Variants in CCNY observed in about 807,000 individuals in gnomAD.
The protein encoded by CCNY is cyclin-Y.
Under a neutral mutation model 42.8 loss-of-function variants are expected in CCNY, and 19 were observed. That is an observed-to-expected ratio of 0.44 (90% CI 0.31 to 0.65). The LOEUF (loss-of-function observed/expected upper bound fraction) is 0.65. CCNY is among the 30% of genes least tolerant of loss of function. The pLI is 0.07. For synonymous variants in CCNY, 165 were observed against 162.7 expected (o/e 1.01, Z -0.11); for missense variants, 370 against 437.3 (o/e 0.85, Z 1.37).
intron 1 of CCNY, chr10:35,449,855 C>CA (rs1159521533): frequency 1.1e-6 from 1 of 951,532 alleles, no homozygotes; most frequent in African/African-American, 1.8e-5. Flanking sequence ...GGGGGAGAGA[C>CA]AAAAAGGGCC....
chr10:35,359,509 A>AT (rs1442842915), intron 1 of CCNY, among the ~76,000 whole-genome samples: 26 of 151,450 alleles, frequency 1.7e-4, no homozygotes, highest in African/African-American at 6.3e-4. Flanking sequence ...TATTATTATT[A>AT]TTATTTTTTT....
intron 3 of CCNY, among the ~76,000 whole-genome samples, chr10:35,313,977 G>GAAA (rs71523375): frequency 6.3e-5 from 5 of 79,764 alleles, no homozygotes; most frequent in Admixed American, 1.6e-4. Flanking sequence ...GTTCATCTCG[G>GAAA]AAAAAAAAAA....
At chr10:35,482,552 T>C (rs1839691891) in intron 1 of CCNY, among the ~76,000 whole-genome samples, 1 of 152,222 alleles carries the variant, frequency 6.6e-6, no homozygotes, top group South Asian at 2.1e-4. Context: ...AGTTCTAAGA[T>C]TGCAAAATCA....
At chr10:35,252,292 GC>G (rs1565052316) in intron 3 of CCNY, among the ~76,000 whole-genome samples, 1 of 152,100 alleles carries the variant, frequency 6.6e-6, no homozygotes, top group Non-Finnish European at 1.5e-5. Flanking sequence ...CTGGCCGGGC[GC>G]GGTGGCTCAG....
intron 3 of CCNY, among the ~76,000 whole-genome samples, chr10:35,298,464 T>G (rs748331796): frequency 6.6e-6 from 1 of 152,204 alleles, no homozygotes; most frequent in Non-Finnish European, 1.5e-5. Context: ...TTTATCAATG[T>G]TGTATGTGTT....
intron 9 of CCNY, 31 bp downstream of exon 9, chr10:35,566,216 G>T: frequency 6.2e-7 from 1 of 1,600,762 alleles, no homozygotes; most frequent in Non-Finnish European, 8.5e-7. Flanking sequence ...GTTTTGTGGT[G>T]CAGTGTTGCC....
At chr10:35,485,724 C>CAAAAAAAAAAAAAA (rs60570748) in intron 2 of CCNY, among the ~76,000 whole-genome samples, 1 of 97,784 alleles carries the variant, frequency 1.0e-5, no homozygotes, top group African/African-American at 3.7e-5. Flanking sequence ...GACTCCGTCT[C>CAAAAAAAAAAAAAA]AAAAAAAAAA....
At chr10:35,361,957 C>G (rs1165714782) in intron 1 of CCNY, among the ~76,000 whole-genome samples, 4 of 152,184 alleles carry the variant, frequency 2.6e-5, no homozygotes, top group African/African-American at 9.7e-5. Flanking sequence ...AATTGCACAC[C>G]TGACACTTTT....
chr10:35,465,938 A>AGAGAGAGAGAGAGAGTGTGTGTGT, intron 1 of CCNY, among the ~76,000 whole-genome samples: 7 of 80,958 alleles, frequency 8.6e-5, no homozygotes, highest in African/African-American at 3.1e-4. Context: ...AGAGAGAGAG[A>AGAGAGAGAGAGAGAGTGTGTGTGT]GTGTGTGTGT....
At chr10:35,350,967 T>C (rs1456612221) in intron 1 of CCNY, among the ~76,000 whole-genome samples, 3 of 152,218 alleles carry the variant, frequency 2.0e-5, no homozygotes, top group Non-Finnish European at 4.4e-5. Context: ...TTTATAAATA[T>C]ACAAATGGAA....
intron 1 of CCNY, among the ~76,000 whole-genome samples, chr10:35,360,742 C>T (rs553770322): frequency 6.6e-6 from 1 of 151,890 alleles, no homozygotes; most frequent in East Asian, 1.9e-4. Context: ...AACATTAATA[C>T]TCATCTGTAT....
At chr10:35,310,310 T>C (rs1005815710) in intron 3 of CCNY, among the ~76,000 whole-genome samples, 5 of 152,262 alleles carry the variant, frequency 3.3e-5, no homozygotes, top group Admixed American at 3.3e-4. Flanking sequence ...ATATTTTCTT[T>C]ATCCATTCAT....
At chr10:35,271,020 T>C (rs12263241) in intron 3 of CCNY, among the ~76,000 whole-genome samples, 13,671 of 152,086 alleles carry the variant, frequency 0.09, 1,267 homozygotes, top group African/African-American at 0.23. Context: ...CCACCAAGCT[T>C]GGCCTTGGTA....
In CCNY at chr10:35,516,688, T is replaced by TTA. The variant is rs1554797218; in HGVS notation, c.365+65_365+66insTA. On this transcript the variant is annotated intron_variant, in intron 4 of 9. Transcript: ENST00000374704. The stretch of plus-strand genomic sequence containing the variant: ...TTTTTTTTTTTTTTTTTTTTTTTTT[T>TTA]ACTTAACTGAATGCTTTTTCTGTTC... The TTA allele has an allele frequency of 5.7e-4, 474 of 829,264 alleles. 1 individual carries two copies. The highest frequency in any genetic ancestry group is 7.1e-4 in the Non-Finnish European group (397 of 555,264). The allele number at this position is 829,264 out of a possible 1,614,324, so 51.4% of individuals were successfully genotyped here.
At chr10:35,261,278 G>A (rs1218813689) in intron 3 of CCNY, among the ~76,000 whole-genome samples, 15 of 144,970 alleles carry the variant, frequency 1.0e-4, no homozygotes, top group African/African-American at 3.6e-4. Context: ...CTCTGTCGCC[G>A]AGGCTGGAGT....
intron 1 of CCNY, among the ~76,000 whole-genome samples, chr10:35,482,749 G>GGTGTGTGTGT (rs56033862): frequency 0.021 from 2,701 of 128,836 alleles, 49 homozygotes; most frequent in East Asian, 0.033. Context: ...GCTGGAAATA[G>GGTGTGTGTGT]GTGTGTGTGT....
intron 1 of CCNY, among the ~76,000 whole-genome samples, chr10:35,354,630 CT>C: frequency 6.6e-6 from 1 of 152,166 alleles, no homozygotes; most frequent in East Asian, 1.9e-4. Flanking sequence ...ATCTTGGATG[CT>C]GCCCACGACA....
At chr10:35,370,171 A>G (rs1183497086) in intron 1 of CCNY, among the ~76,000 whole-genome samples, 1 of 143,902 alleles carries the variant, frequency 6.9e-6, no homozygotes, top group South Asian at 2.2e-4. Flanking sequence ...TTTTTTTTTG[A>G]GACGGAGTCT....
intron 3 of CCNY, among the ~76,000 whole-genome samples, chr10:35,331,348 A>T (rs956222487): frequency 6.6e-6 from 1 of 152,210 alleles, no homozygotes; most frequent in African/African-American, 2.4e-5. Context: ...CTTGAAAAGT[A>T]TGGAAGGATA....
Sources: allele counts gnomAD v4.1 joint callset (sites outside exome capture counted in the v4.1 genomes callset), GRCh38; gene constraint gnomAD v4.1.1; transcripts MANE v1.5; gene names NCBI Gene and HGNC (gene_info 2026-07-23, HGNC 2026-07-21).